DGKG: variants seen among roughly 807,000 people sequenced by gnomAD.
DGKG encodes the protein DAG kinase gamma.
DGKG carries 78 observed loss-of-function variants against 105.3 expected under a neutral mutation model. The observed-to-expected ratio is 0.74, with a 90% CI of 0.62 to 0.89. The LOEUF is 0.89. DGKG is among the 40% of genes least tolerant of loss of function. DGKG has a pLI of 0.00. For missense variants in DGKG, 958 were observed against 1,020.1 expected, an observed-to-expected ratio of 0.94 and a Z score of 0.83; for synonymous variants, 346 against 367.1, an observed-to-expected ratio of 0.94 and a Z score of 0.66.
rs1179836299 is a variant in DGKG at position 186,203,164 on chromosome 3, T to G, written c.1917+8631A>C. Among the ~76,000 whole-genome samples the G allele has an allele frequency of 6.6e-6, 1 of 152,178 alleles. No individual in the cohort carries two copies. The highest frequency in any genetic ancestry group is 1.9e-4 in the East Asian group (1 of 5,202). On this transcript the variant is annotated intron_variant, in intron 21 of 24. Transcript: ENST00000265022. The surrounding 1 kb of genome is among the most constrained non-coding windows in gnomAD (Gnocchi z 4.9). Reference sequence around the variant, plus strand: ...CAGAAACAGTTTTTCTTTAGTAAGCTGAACGATTCTAAGCATTAGTGAAGG... The same window carrying G: ...CAGAAACAGTTTTTCTTTAGTAAGCGGAACGATTCTAAGCATTAGTGAAGG...
intron 6 of DGKG, among the ~76,000 whole-genome samples, chr3:186,286,900 G>A (rs1723095709): frequency 6.6e-6 from 1 of 152,056 alleles, no homozygotes; most frequent in South Asian, 2.1e-4. Flanking sequence ...TGGGCGTAGC[G>A]GCGGGCACCT....
chr3:186,359,783 G>A (rs766898372), intron 1 of DGKG, among the ~76,000 whole-genome samples: 2 of 152,182 alleles, frequency 1.3e-5, no homozygotes, highest in Non-Finnish European at 2.9e-5. Context: ...TATTAACAGT[G>A]TGGGATGGGA....
At position 186,178,401 on chromosome 3, in the gene DGKG, T is replaced by C. The variant is rs1043173816; in HGVS notation, c.2095+9801A>G. Among the ~76,000 whole-genome samples the C allele has an allele frequency of 1.8e-4, 27 of 152,080 alleles. 1 individual carries two copies. The East Asian group carries it at 1.9e-3, about 11-fold the overall frequency. ...ACAGAGACTAGTTTGGGGGTCAAGA[T>C]GGGCAAGTGCAAGAGGGAAAAACTA... On this transcript the variant is annotated intron_variant, in intron 22 of 24. Transcript: ENST00000265022.
chr3:186,341,716 C>T (rs559810418), intron 1 of DGKG, among the ~76,000 whole-genome samples: 17 of 152,184 alleles, frequency 1.1e-4, no homozygotes, highest in South Asian at 2.1e-4. Flanking sequence ...CACATGCACA[C>T]GTATGTTTAC....
chr3:186,252,193 G>A (rs1721260901), intron 18 of DGKG, among the ~76,000 whole-genome samples: 1 of 152,224 alleles, frequency 6.6e-6, no homozygotes, highest in Non-Finnish European at 1.5e-5. Context: ...AGAAGCGGTG[G>A]GCTGGATGGC....
Position 186,195,090 on chromosome 3 carries a change from G to A in DGKG, c.1918-6711C>T, listed in dbSNP as rs144080527. On this transcript the variant is annotated intron_variant, in intron 21 of 24. Coordinates refer to ENST00000265022, the MANE Select transcript of DGKG (RefSeq NM_001346.3). The stretch of plus-strand genomic sequence containing the variant: ...ACTGGACTCCAGCCTGGGCGATAGA[G>A]CGAGACTCTGTATAAAAAAAAAATT... Among the ~76,000 whole-genome samples, 1,159 of 145,384 alleles carry A rather than the reference G, an allele frequency of 8.0e-3. 23 individuals are homozygous for A. The highest frequency in any genetic ancestry group is 0.026 in the African/African-American group (1,060 of 41,186).
In DGKG at chr3:186,275,537, A is replaced by C; in HGVS notation, c.910+10T>G. 1 of 1,611,922 alleles carries C rather than the reference A, an allele frequency of 6.2e-7. No homozygotes were observed. Among genetic ancestry groups the C allele is most frequent in the Non-Finnish European group, 8.5e-7 (1 of 1,177,984 alleles). On this transcript the variant is annotated intron_variant, in intron 10 of 24. Transcript: ENST00000265022. ...GCCTGGGGGAAGAGGTTTGAAGGAAATTTACTCACAAGTGCAGCACAGGCC... is the reference window on the plus strand; with the variant it reads ...GCCTGGGGGAAGAGGTTTGAAGGAACTTTACTCACAAGTGCAGCACAGGCC...
chr3:186,352,366 G>C (rs1415776549), intron 1 of DGKG, among the ~76,000 whole-genome samples: 2 of 152,048 alleles, frequency 1.3e-5, no homozygotes, highest in African/African-American at 4.8e-5. Context: ...GGATCTTTCA[G>C]GTACTGGCAA....
chr3:186,236,315 C>T (rs533210645), intron 20 of DGKG, among the ~76,000 whole-genome samples: 1 of 152,358 alleles, frequency 6.6e-6, no homozygotes, highest in South Asian at 2.1e-4. Flanking sequence ...CCATTAAAAA[C>T]AACCCTTTTA....
At chr3:186,166,234 CG>C (rs1716536428) in intron 22 of DGKG, among the ~76,000 whole-genome samples, 3 of 149,170 alleles carry the variant, frequency 2.0e-5, no homozygotes, top group Non-Finnish European at 3.0e-5. Flanking sequence ...AAATTACTGA[CG>C]ATCACTAATG....
At chr3:186,207,080 T>C (rs755796116) in intron 21 of DGKG, among the ~76,000 whole-genome samples, 7 of 152,106 alleles carry the variant, frequency 4.6e-5, no homozygotes, top group Non-Finnish European at 8.8e-5. Context: ...GGGCCCACAA[T>C]GATTTATGGA....
chr3:186,347,123 G>A (rs906060781), intron 1 of DGKG, among the ~76,000 whole-genome samples: 4 of 151,964 alleles, frequency 2.6e-5, no homozygotes, highest in East Asian at 1.9e-4. Context: ...TTAGAATTGG[G>A]TTTTGACCAA....
rs1371401953 is a variant in DGKG, at chr3:186,284,398, A to T, written c.594+262T>A. ...ACTGAATGGGAAGTTAAACTAGGTGACATGCTAAAGCATCCCTCCATCCTG... is the reference window on the plus strand; with the variant it reads ...ACTGAATGGGAAGTTAAACTAGGTGTCATGCTAAAGCATCCCTCCATCCTG... On this transcript the variant is annotated intron_variant, in intron 7 of 24. Coordinates refer to ENST00000265022, the MANE Select transcript of DGKG (RefSeq NM_001346.3). This position sits in a 1 kb window ranked among gnomAD's most constrained non-coding sequence, Gnocchi z 4.0. Among the ~76,000 whole-genome samples the T allele has an allele frequency of 6.6e-6, 1 of 152,184 alleles. No individual in the cohort carries two copies. The highest frequency in any genetic ancestry group is 2.4e-5 in the African/African-American group (1 of 41,450).
chr3:186,252,558 C>CT (rs1372664546), intron 18 of DGKG, among the ~76,000 whole-genome samples: 2 of 152,216 alleles, frequency 1.3e-5, no homozygotes, highest in African/African-American at 4.8e-5. Flanking sequence ...GGTTACCACT[C>CT]TGTGTTTCCT....
At chr3:186,268,988 G>T in intron 11 of DGKG, 71 bp from the exon 12 acceptor site, 1 of 1,118,964 alleles carries the variant, frequency 8.9e-7, no homozygotes, top group Admixed American at 1.7e-5. Context: ...GGCTGGAGGA[G>T]AAGGATCTGG....
chr3:186,160,046 A>C, intron 24 of DGKG: 2 of 395,406 alleles, frequency 5.1e-6, no homozygotes. Flanking sequence ...TGAGAAAATA[A>C]ATTTCTGTTG....
rs1197206669 is a variant in DGKG, at chr3:186,231,688, GT to G, written c.1826+10815del. ...AATCCCAGCACTTTGGGAAGCCTAGGTGGTTGGATCAACTGAGGTCAGGAGT... is the reference window on the plus strand; with the variant it reads ...AATCCCAGCACTTTGGGAAGCCTAGGGGTTGGATCAACTGAGGTCAGGAGT... On this transcript the variant is annotated intron_variant, in intron 20 of 24. Transcript: ENST00000265022. This position sits in a 1 kb window ranked among gnomAD's most constrained non-coding sequence, Gnocchi z 4.5. Among the ~76,000 whole-genome samples the G allele has an allele frequency of 6.6e-6, 1 of 152,166 alleles. No homozygotes were observed. Among genetic ancestry groups the G allele is most frequent in the Non-Finnish European group, 1.5e-5 (1 of 68,032 alleles).
intron 20 of DGKG, among the ~76,000 whole-genome samples, chr3:186,228,608 G>A (rs1253585344): frequency 6.6e-6 from 1 of 152,034 alleles, no homozygotes; most frequent in African/African-American, 2.4e-5. Flanking sequence ...GGAACCTCCG[G>A]CCTCTCCGCT....
chr3:186,152,961 CTTT>C (rs10579014), intron 24 of DGKG, among the ~76,000 whole-genome samples: 11,371 of 124,590 alleles, frequency 0.091, 1,129 homozygotes, highest in African/African-American at 0.28. Flanking sequence ...CGCGCCCGGC[CTTT>C]TTTTTTTTTT....
Sources: allele counts gnomAD v4.1 joint callset (sites outside exome capture counted in the v4.1 genomes callset), GRCh38; gene constraint gnomAD v4.1.1; non-coding constraint Gnocchi (gnomAD v3.1); transcripts MANE v1.5; gene names NCBI Gene and HGNC (gene_info 2026-07-23, HGNC 2026-07-21).